RTN4IP1: variants seen among roughly 807,000 people sequenced by gnomAD.
RTN4IP1 encodes the protein reticulon 4 interacting protein 1.
RTN4IP1 carries 32 observed loss-of-function variants against 46.6 expected under a neutral mutation model. That is an observed-to-expected ratio of 0.69 (90% CI 0.52 to 0.92). The LOEUF (loss-of-function observed/expected upper bound fraction) is 0.92, where lower values mean the gene tolerates loss of function less well. Among genes scored for constraint, RTN4IP1 ranks in the 40% least tolerant of loss-of-function variants. The pLI is 0.00. For synonymous variants in RTN4IP1, 167 were observed against 161.8 expected (o/e 1.03, Z -0.24); for missense variants, 424 against 485.8 (o/e 0.87, Z 1.20).
chr6:106,619,116 T>C (rs1426413408), intron 4 of RTN4IP1, 86 bp downstream of exon 4: 2 of 1,462,940 alleles, frequency 1.4e-6, no homozygotes, highest in African/African-American at 2.8e-5. Context: ...TGATACTAAA[T>C]TTCAAAGCTC....
Position 106,592,281 on chromosome 6 carries a change from G to C in RTN4IP1, c.689C>G (p.Ala230Gly). ...FAIQVMKAWDAHVTAVCSQDA... is the reference protein window; with the variant it reads ...FAIQVMKAWDGHVTAVCSQDA... ...TTGGGAGCAAACTGCTGTCACATGA[G>C]CATCCCATGCTTTCATTACCTGCCC... The change falls in exon 6 of 9, where the codon GCT becomes GGT. Residue 230 changes from alanine to glycine, a missense_variant. Coordinates refer to ENST00000369063, the MANE Select transcript of RTN4IP1 (RefSeq NM_032730.5). 1.9e-6 allele frequency: 3 copies of C among 1,613,736 alleles called. No homozygotes were observed. Among genetic ancestry groups the C allele is most frequent in the Non-Finnish European group, 2.5e-6 (3 of 1,179,924 alleles).
chr6:106,603,066 C>T (rs1318375756), intron 4 of RTN4IP1, 144 bp from the exon 5 acceptor site: 3 of 556,476 alleles, frequency 5.4e-6, no homozygotes, highest in Non-Finnish European at 9.1e-6. Context: ...AGATATATTA[C>T]ACAAGGATTT....
intron 1 of RTN4IP1, among the ~76,000 whole-genome samples, chr6:106,624,412 T>G (rs1236749776): frequency 6.6e-6 from 1 of 151,896 alleles, no homozygotes; most frequent in Non-Finnish European, 1.5e-5. Context: ...TGCAGTGATG[T>G]GATCTTGGCT....
At chr6:106,601,638 G>T (rs745630446) in intron 5 of RTN4IP1, among the ~76,000 whole-genome samples, 15 of 152,050 alleles carry the variant, frequency 9.9e-5, no homozygotes, top group Non-Finnish European at 2.1e-4. Context: ...TTGAGACAGA[G>T]TTGCACTCAT....
At chr6:106,587,945 G>T in intron 6 of RTN4IP1, 83 bp from the exon 7 acceptor site, 1 of 1,245,460 alleles carries the variant, frequency 8.0e-7, no homozygotes, top group Non-Finnish European at 1.1e-6. Context: ...GTACCAGTTG[G>T]CTTAGGGTTT....
chr6:106,602,778 C>A, intron 5 of RTN4IP1, 96 bp downstream of exon 5: 2 of 797,070 alleles, frequency 2.5e-6, no homozygotes, highest in Non-Finnish European at 4.0e-6. Context: ...ACCAGACCTA[C>A]CTTTCTCTCA....
intron 2 of RTN4IP1, among the ~76,000 whole-genome samples, chr6:106,622,425 A>C (rs1370711724): frequency 1.3e-5 from 2 of 152,196 alleles, no homozygotes; most frequent in African/African-American, 4.8e-5. Flanking sequence ...AAAGCAGCCT[A>C]ATTCTCTTTA....
chr6:106,620,635 T>C (rs1331111884), intron 3 of RTN4IP1, among the ~76,000 whole-genome samples: 1 of 152,162 alleles, frequency 6.6e-6, no homozygotes, highest in Non-Finnish European at 1.5e-5. Context: ...AAATATTGCA[T>C]AGCTCTATCT....
intron 4 of RTN4IP1, among the ~76,000 whole-genome samples, chr6:106,615,767 A>T (rs1196139691): frequency 3.9e-5 from 6 of 152,194 alleles, no homozygotes; most frequent in Non-Finnish European, 7.3e-5. Context: ...AAATCTTAAC[A>T]TATTCAAAAA....
chr6:106,629,783 C>G (rs563550716), upstream of RTN4IP1: 14 of 1,537,726 alleles, frequency 9.1e-6, no homozygotes, highest in African/African-American at 4.1e-5. Flanking sequence ...GTCCCTGGGC[C>G]TTACCACGCA....
In RTN4IP1 at chr6:106,629,140, C is replaced by A; in HGVS notation, c.-119G>T. On this transcript the variant is annotated 5_prime_UTR_variant, in exon 1 of 9. Coordinates refer to ENST00000369063, the MANE Select transcript of RTN4IP1 (RefSeq NM_032730.5). ...CGGGCTAGTTTCAAAATTAAGCATGCAAAACGGAGCATTCGAAAATGAAGC... is the reference window on the plus strand; with the variant it reads ...CGGGCTAGTTTCAAAATTAAGCATGAAAAACGGAGCATTCGAAAATGAAGC... 1.1e-6 allele frequency: 1 copy of A among 873,840 alleles called. No individual in the cohort carries two copies. The highest frequency in any genetic ancestry group is 1.8e-6 in the Non-Finnish European group (1 of 571,002). 54.1% of individuals were successfully genotyped at this position (873,840 alleles called of 1,614,324 possible).
chr6:106,611,926 C>G (rs951058294), intron 4 of RTN4IP1, among the ~76,000 whole-genome samples: 1 of 152,100 alleles, frequency 6.6e-6, no homozygotes, highest in Non-Finnish European at 1.5e-5. Context: ...AACCCATAAT[C>G]GACGAAGAAC....
intron 8 of RTN4IP1, among the ~76,000 whole-genome samples, chr6:106,574,957 C>G (rs900477006): frequency 6.6e-6 from 1 of 152,128 alleles, no homozygotes; most frequent in Non-Finnish European, 1.5e-5. Context: ...CAGCAATTCC[C>G]GTAAGTGACA....
At chr6:106,583,533 CA>C (rs1286066713) in intron 7 of RTN4IP1, 113 bp from the exon 8 acceptor site, 1 of 792,962 alleles carries the variant, frequency 1.3e-6, no homozygotes, top group Non-Finnish European at 2.1e-6. Flanking sequence ...TTTCTCATTT[CA>C]TGCTGACAAA....
chr6:106,593,206 T>A (rs1775706138), intron 5 of RTN4IP1, among the ~76,000 whole-genome samples: 1 of 152,114 alleles, frequency 6.6e-6, no homozygotes. Flanking sequence ...TTGGATCAGG[T>A]CCTCTCCCTT....
intron 2 of RTN4IP1, 53 bp from the exon 3 acceptor site, chr6:106,621,546 C>G: frequency 3.3e-6 from 5 of 1,508,230 alleles, no homozygotes; most frequent in Admixed American, 1.7e-5. Flanking sequence ...ATTTTTTGAC[C>G]GAAGCTAAGC....
At chr6:106,579,190 C>G (rs962953208) in intron 8 of RTN4IP1, among the ~76,000 whole-genome samples, 6 of 151,216 alleles carry the variant, frequency 4.0e-5, no homozygotes, top group African/African-American at 1.5e-4. Context: ...GAGCCGAGAT[C>G]GTGCCACTGC....
intron 2 of RTN4IP1, 23 bp from the exon 3 acceptor site, chr6:106,621,516 G>C: frequency 6.2e-7 from 1 of 1,603,300 alleles, no homozygotes; most frequent in Non-Finnish European, 8.5e-7. Flanking sequence ...CAGACAGACA[G>C]CTTCATTAGA....
chr6:106,580,471 C>T (rs7751749), intron 8 of RTN4IP1, among the ~76,000 whole-genome samples: 104,154 of 151,750 alleles, frequency 0.69, 37,492 homozygotes, highest in Non-Finnish European at 0.81. Flanking sequence ...GTAATCCCAG[C>T]ACTTTGGGAG....
Sources: allele counts gnomAD v4.1 joint callset (sites outside exome capture counted in the v4.1 genomes callset), GRCh38; gene constraint gnomAD v4.1.1; transcripts MANE v1.5; gene names NCBI Gene and HGNC (gene_info 2026-07-23, HGNC 2026-07-21).